Variants in JAK1 observed in about 807,000 individuals in gnomAD.
JAK1 encodes Janus kinase 1.
In JAK1, 16 loss-of-function variants were observed where a neutral mutation model predicts 136.6. The ratio of observed to expected loss-of-function variants is 0.12; its 90% CI spans 0.08 to 0.18. The LOEUF (loss-of-function observed/expected upper bound fraction) is 0.18. JAK1 is among the 10% of genes least tolerant of loss of function. JAK1 has a pLI of 1.00. For synonymous variants in JAK1, 492 were observed against 519.5 expected (o/e 0.95, Z 0.72); for missense variants, 859 against 1,450.1 (o/e 0.59, Z 6.62).
chr1:64,935,303 T>C (rs1288738197), intron 1 of JAK1, among the ~76,000 whole-genome samples: 1 of 152,170 alleles, frequency 6.6e-6, no homozygotes, highest in African/African-American at 2.4e-5. Flanking sequence ...CATAACTCTT[T>C]TTTTTGTTTG....
chr1:64,850,331 A>G (rs543153110), intron 12 of JAK1, among the ~76,000 whole-genome samples: 1 of 152,344 alleles, frequency 6.6e-6, no homozygotes, highest in East Asian at 1.9e-4. Context: ...TTCTCAAGAT[A>G]GTTCTCCTTC....
intron 2 of JAK1, among the ~76,000 whole-genome samples, chr1:65,010,817 T>A (rs1646842702): frequency 6.6e-6 from 1 of 151,898 alleles, no homozygotes; most frequent in Non-Finnish European, 1.5e-5. Context: ...AAAAAAGTAG[T>A]AAATAAACTA....
chr1:64,995,533 G>C (rs186646737), intron 2 of JAK1, among the ~76,000 whole-genome samples: 3 of 152,142 alleles, frequency 2.0e-5, no homozygotes, highest in African/African-American at 7.2e-5. Context: ...GTTTACTTAA[G>C]GAGGAAGGTA....
At chr1:64,836,346 A>G (rs1654477243) in intron 22 of JAK1, 131 bp from the exon 23 acceptor site, 1 of 669,380 alleles carries the variant, frequency 1.5e-6, no homozygotes, top group African/African-American at 1.8e-5. Context: ...TGTATTATAT[A>G]TTTTACACAT....
At chr1:64,948,120 G>A (rs963372857) in intron 1 of JAK1, among the ~76,000 whole-genome samples, 7 of 152,108 alleles carry the variant, frequency 4.6e-5, no homozygotes, top group East Asian at 1.9e-4. Context: ...TGAGATCTTC[G>A]ATGCAATGCT....
At chr1:64,975,731 A>G (rs1355476804) in intron 2 of JAK1, among the ~76,000 whole-genome samples, 1 of 152,184 alleles carries the variant, frequency 6.6e-6, no homozygotes, top group Non-Finnish European at 1.5e-5. Context: ...TTCTCAGGCC[A>G]GGAGCACTAT....
intron 11 of JAK1, among the ~76,000 whole-genome samples, chr1:64,852,690 A>G (rs1655675665): frequency 6.6e-6 from 1 of 152,302 alleles, no homozygotes; most frequent in African/African-American, 2.4e-5. Flanking sequence ...AGGGTTAACA[A>G]TGTGAATGGG....
chr1:65,037,775 G>A (rs1647088319), intron 2 of JAK1, among the ~76,000 whole-genome samples: 1 of 152,132 alleles, frequency 6.6e-6, no homozygotes. Flanking sequence ...GAGGCAAGAG[G>A]ATCGCTCCTC....
chr1:64,988,937 T>C (rs1020848536), intron 2 of JAK1, among the ~76,000 whole-genome samples: 1 of 144,854 alleles, frequency 6.9e-6, no homozygotes, highest in Non-Finnish European at 1.5e-5. Flanking sequence ...TGTGTATATA[T>C]ATATGTATGT....
intron 1 of JAK1, among the ~76,000 whole-genome samples, chr1:64,935,322 A>T (rs1645768988): frequency 6.6e-6 from 1 of 152,238 alleles, no homozygotes. Context: ...TGTTTGAGAC[A>T]GAGTTTCACT....
chr1:65,033,716 C>A (rs1647045025), intron 2 of JAK1, among the ~76,000 whole-genome samples: 1 of 128,228 alleles, frequency 7.8e-6, no homozygotes, highest in African/African-American at 3.5e-5. Context: ...TGTGAGACTC[C>A]CGTAGTACCA....
chr1:64,866,198 AC>A (rs1325744147), intron 7 of JAK1, among the ~76,000 whole-genome samples: 2 of 152,226 alleles, frequency 1.3e-5, no homozygotes, highest in African/African-American at 4.8e-5. Context: ...GACAGTAGGT[AC>A]CTCCATTTAA....
chr1:65,014,936 C>T (rs111362654), intron 2 of JAK1, among the ~76,000 whole-genome samples: 2 of 152,118 alleles, frequency 1.3e-5, no homozygotes, highest in African/African-American at 4.8e-5. Context: ...CCACCCGCCT[C>T]GGCCTCCCAA....
chr1:65,031,808 G>A (rs938732786), intron 2 of JAK1, among the ~76,000 whole-genome samples: 3 of 151,874 alleles, frequency 2.0e-5, no homozygotes, highest in African/African-American at 7.3e-5. Flanking sequence ...GAATGATAAA[G>A]GAAATGAGCT....
chr1:64,944,337 TCC>T (rs1645945136), intron 1 of JAK1, among the ~76,000 whole-genome samples: 1 of 152,000 alleles, frequency 6.6e-6, no homozygotes, highest in Non-Finnish European at 1.5e-5. Context: ...AATTATTATA[TCC>T]ACAAATTGAG....
chr1:64,983,634 A>G (rs1410268579), intron 2 of JAK1, among the ~76,000 whole-genome samples: 1 of 152,164 alleles, frequency 6.6e-6, no homozygotes, highest in Non-Finnish European at 1.5e-5. Context: ...CTTAAAAAGT[A>G]ATGAGTCTAC....
intron 21 of JAK1, 148 bp from the exon 22 acceptor site, chr1:64,838,252 G>A (rs1245283865): frequency 1.1e-6 from 1 of 942,318 alleles, no homozygotes; most frequent in Non-Finnish European, 1.6e-6. Flanking sequence ...AGAATATTAA[G>A]AACAAACTGA....
chr1:64,982,683 T>C (rs937423319), intron 2 of JAK1, among the ~76,000 whole-genome samples: 5 of 152,166 alleles, frequency 3.3e-5, no homozygotes, highest in Non-Finnish European at 7.3e-5. Flanking sequence ...CTCTGCTTCA[T>C]CCTAGTTGTG....
intron 1 of JAK1, among the ~76,000 whole-genome samples, chr1:65,060,055 A>C (rs192642941): frequency 2.4e-4 from 37 of 152,330 alleles, no homozygotes; most frequent in Non-Finnish European, 4.0e-4. Flanking sequence ...AAAAATATCT[A>C]AAAATTAAGG....
Sources: allele counts gnomAD v4.1 joint callset (sites outside exome capture counted in the v4.1 genomes callset), GRCh38; gene constraint gnomAD v4.1.1; transcripts MANE v1.5; gene names NCBI Gene and HGNC (gene_info 2026-07-23, HGNC 2026-07-21).